Variants in CCDC7 observed in about 807,000 individuals in gnomAD.
CCDC7 encodes the protein coiled-coil domain-containing protein 7.
In CCDC7, 183 loss-of-function variants were observed where a neutral mutation model predicts 196.9. The observed-to-expected ratio is 0.93, with a 90% CI of 0.82 to 1.05. The LOEUF (loss-of-function observed/expected upper bound fraction) is 1.05, where lower values mean the gene tolerates loss of function less well. Ranked by LOEUF, CCDC7 falls within the 50% of genes least tolerant of loss-of-function variation. The pLI is 0.00. For missense variants in CCDC7, 1,540 were observed against 1,482.2 expected (o/e 1.04, Z -0.64); for synonymous variants, 525 against 484.6 (o/e 1.08, Z -1.10).
Position 32,634,324 on chromosome 10 carries a change from A to G in CCDC7, c.1872A>G (p.Glu624=), listed in dbSNP as rs1024873150. 11 of 1,201,222 alleles carry G rather than the reference A, an allele frequency of 9.2e-6. No individual in the cohort carries two copies. In the South Asian group the frequency reaches 3.8e-4, roughly 41 times the overall value. The allele number at this position is 1,201,222 out of a possible 1,614,324, so 74.4% of individuals were successfully genotyped here. ...ATTCAGTAACAAAAGTCCAAATAGAACAAATGAAACAAAGAACTTCTAGTA... is the reference window on the plus strand; with the variant it reads ...ATTCAGTAACAAAAGTCCAAATAGAGCAAATGAAACAAAGAACTTCTAGTA... Residue 624 remains glutamate, a synonymous_variant, in exon 19 of 42, where the codon GAA becomes GAG. Coordinates refer to ENST00000639629, the Ensembl canonical transcript of CCDC7.
intron 9 of CCDC7, among the ~76,000 whole-genome samples, chr10:32,503,823 G>T (rs73251573): frequency 5.3e-5 from 8 of 152,018 alleles, no homozygotes; most frequent in East Asian, 1.9e-4. Context: ...GGTCTTTTCA[G>T]ATTTTCTATT....
chr10:32,512,447 C>G (rs1164957425), intron 9 of CCDC7: 2 of 152,140 alleles, frequency 1.3e-5, no homozygotes, highest in Admixed American at 1.3e-4. Context: ...CATAATAATT[C>G]TAACATGGCA....
chr10:32,505,387 C>G (rs142517049), intron 9 of CCDC7, among the ~76,000 whole-genome samples: 7,926 of 151,890 alleles, frequency 0.052, 671 homozygotes, highest in African/African-American at 0.18. Flanking sequence ...TGACTCTTAA[C>G]GAGCATGCTG....
chr10:32,644,496 G>C (rs772666871), intron 20 of CCDC7, among the ~76,000 whole-genome samples: 5 of 151,982 alleles, frequency 3.3e-5, no homozygotes, highest in Admixed American at 6.6e-5. Context: ...ATTCCTCTAG[G>C]TTCATCCATG....
At chr10:32,517,626 G>A in intron 9 of CCDC7, among the ~76,000 whole-genome samples, 1 of 107,202 alleles carries the variant, frequency 9.3e-6, no homozygotes, top group Non-Finnish European at 1.9e-5. Flanking sequence ...TATGGGGTGG[G>A]GGGAGGGGGG....
intron 28 of CCDC7, among the ~76,000 whole-genome samples, chr10:32,762,048 A>C (rs1204167267): frequency 6.6e-6 from 1 of 152,030 alleles, no homozygotes; most frequent in Non-Finnish European, 1.5e-5. Context: ...TGGGTAGGGA[A>C]AGCAAAGACT....
At chr10:32,664,030 C>T (rs1407421536) in intron 20 of CCDC7, 24 bp from the exon 22 acceptor site, 2 of 393,390 alleles carry the variant, frequency 5.1e-6, no homozygotes, top group East Asian at 7.2e-5. Context: ...ATGTTTAGTG[C>T]ACTAAATTTA....
intron 41 of CCDC7, among the ~76,000 whole-genome samples, chr10:32,874,550 C>T (rs34702647): frequency 0.14 from 20,833 of 151,334 alleles, 1,735 homozygotes; most frequent in East Asian, 0.25. Flanking sequence ...GTTTCCGATT[C>T]GAATTACTTC....
At chr10:32,577,215 A>T (rs1178259592) in intron 16 of CCDC7, among the ~76,000 whole-genome samples, 2 of 152,044 alleles carry the variant, frequency 1.3e-5, no homozygotes, top group African/African-American at 4.8e-5. Flanking sequence ...TACAAAAATT[A>T]GCTGGGCATG....
At chr10:32,801,418 C>T (rs2084763865) in intron 29 of CCDC7, among the ~76,000 whole-genome samples, 2 of 152,170 alleles carry the variant, frequency 1.3e-5, no homozygotes, top group African/African-American at 4.8e-5. Flanking sequence ...TTTTTAACTC[C>T]CCAGTCTGCA....
chr10:32,460,327 A>G lies in CCDC7; in HGVS notation c.457-2356A>G, dbSNP rs115650010. Among the ~76,000 whole-genome samples, 1,098 of 152,316 alleles carry G rather than the reference A, an allele frequency of 7.2e-3. 17 individuals are homozygous for G. Among genetic ancestry groups the G allele is most frequent in the African/African-American group, 0.024 (981 of 41,568 alleles). On this transcript the variant is annotated intron_variant, in intron 3 of 41. Coordinates refer to ENST00000639629, the Ensembl canonical transcript of CCDC7. ...ACAAATCATTACAAAATAAAAAGGC[A>G]TTTCACAGTGGATCAGTTTTTATTT...
At chr10:32,856,900 A>C (rs574250363) in intron 41 of CCDC7, among the ~76,000 whole-genome samples, 14 of 152,246 alleles carry the variant, frequency 9.2e-5, no homozygotes, top group African/African-American at 2.9e-4. Flanking sequence ...GGAGAGCTGC[A>C]TCACCCATAC....
At chr10:32,874,000 AG>A (rs1480576740) in intron 41 of CCDC7, among the ~76,000 whole-genome samples, 1 of 151,754 alleles carries the variant, frequency 6.6e-6, no homozygotes, top group African/African-American at 2.4e-5. Flanking sequence ...GATATAGAAA[AG>A]TATACAATTA....
chr10:32,733,111 GTTT>G (rs1281393679), intron 28 of CCDC7, among the ~76,000 whole-genome samples: 1 of 151,700 alleles, frequency 6.6e-6, no homozygotes, highest in African/African-American at 2.4e-5. Flanking sequence ...TTTTTAATAT[GTTT>G]TTATCTTTTT....
chr10:32,518,968 A>G (rs2047471701), intron 11 of CCDC7, among the ~76,000 whole-genome samples: 1 of 152,154 alleles, frequency 6.6e-6, no homozygotes, highest in Admixed American at 6.5e-5. Context: ...ACTACAGACA[A>G]TAAAGTCAAA....
intron 28 of CCDC7, among the ~76,000 whole-genome samples, chr10:32,732,773 G>C (rs917646946): frequency 5.9e-5 from 9 of 152,008 alleles, no homozygotes; most frequent in African/African-American, 2.2e-4. Flanking sequence ...CATTACCCAC[G>C]ATATGATGGA....
At chr10:32,729,843 T>C (rs2083657883) in intron 28 of CCDC7, among the ~76,000 whole-genome samples, 1 of 152,192 alleles carries the variant, frequency 6.6e-6, no homozygotes, top group Non-Finnish European at 1.5e-5. Context: ...TAATAACTAC[T>C]TTATCTGTTA....
In CCDC7 at chr10:32,778,939, T is replaced by C. The variant is rs771061583; in HGVS notation, c.2906-38T>C. The C allele has an allele frequency of 2.7e-6, 4 of 1,484,096 alleles. No individual in the cohort carries two copies. The South Asian group carries it at 4.9e-5, about 18-fold the overall frequency. The allele number at this position is 1,484,096 out of a possible 1,614,324, so 91.9% of individuals were successfully genotyped here. A position where few individuals can be genotyped will look rare whatever the true frequency, so the allele number is the denominator to read the frequency against. ...TAGGTGTTTCACAAAATGTTAGTTT[T>C]TTAAATCAACTACTTTGACAATCTG... On this transcript the variant is annotated intron_variant, in intron 28 of 41. Transcript: ENST00000639629.
At chr10:32,666,646 G>A (rs558783812) in intron 21 of CCDC7, among the ~76,000 whole-genome samples, 3 of 151,328 alleles carry the variant, frequency 2.0e-5, no homozygotes, top group East Asian at 1.9e-4. Flanking sequence ...TTGTCCTTGC[G>A]ATAGTTTGCT....
Sources: gnomAD v4.1 joint callset for allele counts (sites outside exome capture counted in the v4.1 genomes callset) on GRCh38, gnomAD v4.1.1 for gene constraint, MANE v1.5 for transcripts, NCBI Gene and HGNC (gene_info 2026-07-23, HGNC 2026-07-21) for gene names.